The following FLRT2 variants were observed in gnomAD, a reference collection of about 807,000 sequenced individuals.
FLRT2 encodes the protein fibronectin leucine rich transmembrane protein 2, also known as leucine-rich repeat transmembrane protein FLRT2.
A neutral mutation model predicts 40.0 loss-of-function variants in FLRT2; 15 were observed. That is an observed-to-expected ratio of 0.38 (90% CI 0.25 to 0.58). The LOEUF is 0.58. FLRT2 is among the 20% of genes least tolerant of loss of function. FLRT2 has a pLI of 0.71. For missense variants in FLRT2, 726 were observed against 840.0 expected, an observed-to-expected ratio of 0.86 and a Z score of 1.68; for synonymous variants, 380 against 336.8, an observed-to-expected ratio of 1.13 and a Z score of -1.41.
At chr14:85,556,095 A>T (rs994519353) in intron 1 of FLRT2, among the ~76,000 whole-genome samples, 1 of 152,214 alleles carries the variant, frequency 6.6e-6, no homozygotes, top group Non-Finnish European at 1.5e-5. Context: ...TTAGGCTTGC[A>T]TAAAACTACA....
rs1032268637 is a variant in FLRT2, at chr14:85,635,209, A to G, written c.*11712A>G. The G allele has an allele frequency of 1.3e-5, 2 of 152,152 alleles. No individual in the cohort carries two copies. Among genetic ancestry groups the G allele is most frequent in the Non-Finnish European group, 2.9e-5 (2 of 68,006 alleles). The allele number at this position is 152,152 out of a possible 1,614,324, so 9.4% of individuals were successfully genotyped here. A position where few individuals can be genotyped will look rare whatever the true frequency, so the allele number is the denominator to read the frequency against. ...CTTTGTATCTGTGTGATATTATTTA[A>G]TGTCCCTAAGCCTCAGTTTCCTCAT... is the stretch of plus-strand genomic sequence containing the variant. On this transcript the variant is annotated 3_prime_UTR_variant, in exon 2 of 2. Transcript: ENST00000330753.
Position 85,584,530 on chromosome 14 carries a change from C to T in FLRT2, c.-376-36609C>T, listed in dbSNP as rs949681367. Among the ~76,000 whole-genome samples the T allele has an allele frequency of 2.4e-4, 37 of 152,260 alleles. No homozygotes were observed. The East Asian group carries it at 6.6e-3, about 27-fold the overall frequency. ...CCTTAGACATTCTGCAGTTCTTTCT[C>T]CTCTTGGTGTCTTTCAGGACATGAC... is the stretch of plus-strand genomic sequence containing the variant. On this transcript the variant is annotated intron_variant, in intron 1 of 1. Coordinates refer to ENST00000330753, the MANE Select transcript of FLRT2 (RefSeq NM_013231.6).
Position 85,646,657 on chromosome 14 carries a change from C to T in FLRT2, c.*23160C>T, listed in dbSNP as rs1295010777. Reference sequence around the variant, plus strand: ...TTTGAGATGGAGTCTTGCTCTACCACCCAGGCTGGAGTGCAGTGGCACAAT... The same window carrying T: ...TTTGAGATGGAGTCTTGCTCTACCATCCAGGCTGGAGTGCAGTGGCACAAT... On this transcript the variant is annotated 3_prime_UTR_variant, in exon 2 of 2. Transcript: ENST00000330753. The T allele has an allele frequency of 6.6e-6, 1 of 152,134 alleles. No homozygotes were observed. The highest frequency in any genetic ancestry group is 1.9e-4 in the East Asian group (1 of 5,190). The allele number at this position is 152,134 out of a possible 1,614,324, so 9.4% of individuals were successfully genotyped here. A position where few individuals can be genotyped will look rare whatever the true frequency, so the allele number is the denominator to read the frequency against.
At chr14:85,603,441 A>C (rs58580571) in intron 1 of FLRT2, among the ~76,000 whole-genome samples, 9,334 of 152,328 alleles carry the variant, frequency 0.061, 876 homozygotes, top group East Asian at 0.45. Flanking sequence ...GCTGTGTCTG[A>C]CTGCTCATTG....
intron 1 of FLRT2, among the ~76,000 whole-genome samples, chr14:85,548,035 C>T (rs1255417772): frequency 6.6e-6 from 1 of 152,208 alleles, no homozygotes; most frequent in Non-Finnish European, 1.5e-5. Flanking sequence ...CAAGTTTGCC[C>T]AAGCAGTTCC....
At chr14:85,607,571 G>A (rs552533755) in intron 1 of FLRT2, among the ~76,000 whole-genome samples, 102 of 152,266 alleles carry the variant, frequency 6.7e-4, no homozygotes, top group African/African-American at 2.5e-3. Context: ...AATGTTTTTG[G>A]GGAGGCCTGG....
chr14:85,574,672 G>T (rs1891047204), intron 1 of FLRT2, among the ~76,000 whole-genome samples: 1 of 152,042 alleles, frequency 6.6e-6, no homozygotes, highest in Non-Finnish European at 1.5e-5. Context: ...AGAGTGTTAA[G>T]GAATTTAACC....
rs753496515 is a variant in FLRT2, at chr14:85,622,130, T to A, written c.616T>A (p.Leu206Met). 6.2e-7 allele frequency: 1 copy of A among 1,614,112 alleles called. No homozygotes were observed. The highest frequency in any genetic ancestry group is 1.7e-5 in the Admixed American group (1 of 60,022). The change falls in exon 2 of 2, where the codon TTG becomes ATG. Residue 206 changes from leucine (L) to methionine (M), a missense_variant. By Grantham distance (15) the Leu-to-Met change is conservative. Around this residue, in one of 3 missense-constraint regions of FLRT2, gnomAD observed 611 missense variants for 690.0 expected, o/e 0.89. Coordinates refer to ENST00000330753, the MANE Select transcript of FLRT2 (RefSeq NM_013231.6). ...SDMAFQNLTS[L>M]ERLIVDGNLL... ...CATGGCCTTCCAGAATCTCACGAGC[T>A]TGGAGCGTCTTATTGTGGACGGGAA...
At chr14:85,534,006 C>T (rs973857159) in intron 1 of FLRT2, among the ~76,000 whole-genome samples, 3 of 152,226 alleles carry the variant, frequency 2.0e-5, no homozygotes, top group Non-Finnish European at 4.4e-5. Context: ...AACGCGCGCC[C>T]CCAACCCTCT....
In FLRT2 at chr14:85,639,421, A is replaced by T. The variant is rs530243762; in HGVS notation, c.*15924A>T. On this transcript the variant is annotated 3_prime_UTR_variant, in exon 2 of 2. Transcript: ENST00000330753. ...TACCGGGTTGGGCAAAAAGAGGATG[A>T]GTATTAAAGGTCATTAGGCATTCAA... 1.3e-5 allele frequency: 2 copies of T among 152,276 alleles called. No homozygotes were observed. The highest frequency in any genetic ancestry group is 4.8e-5 in the African/African-American group (2 of 41,550). 9.4% of individuals were successfully genotyped at this position (152,276 alleles called of 1,614,324 possible). A position where few individuals can be genotyped will look rare whatever the true frequency, so the allele number is the denominator to read the frequency against.
At position 85,637,083 on chromosome 14, in the gene FLRT2, T is replaced by C. The variant is rs1894027380; in HGVS notation, c.*13586T>C. On this transcript the variant is annotated 3_prime_UTR_variant, in exon 2 of 2. Transcript: ENST00000330753. ...CATTTTTAGGGAAAAACTAGCAACATGTTTTGTGGAGATAAATGTAAACAC... is the reference window on the plus strand; with the variant it reads ...CATTTTTAGGGAAAAACTAGCAACACGTTTTGTGGAGATAAATGTAAACAC... The C allele has an allele frequency of 6.6e-6, 1 of 152,084 alleles. No individual in the cohort carries two copies. Among genetic ancestry groups the C allele is most frequent in the South Asian group, 2.1e-4 (1 of 4,830 alleles). The allele number at this position is 152,084 out of a possible 1,614,324, so 9.4% of individuals were successfully genotyped here.
intron 1 of FLRT2, among the ~76,000 whole-genome samples, chr14:85,532,093 G>C (rs970422846): frequency 6.6e-6 from 1 of 152,278 alleles, no homozygotes; most frequent in Non-Finnish European, 1.5e-5. Flanking sequence ...TTGAACTGAG[G>C]ACGAGTAGTG....
At chr14:85,543,491 A>G (rs564645883) in intron 1 of FLRT2, among the ~76,000 whole-genome samples, 9 of 151,692 alleles carry the variant, frequency 5.9e-5, no homozygotes, top group Non-Finnish European at 8.8e-5. Context: ...CCCCTAAACC[A>G]TTGTACTGTT....
chr14:85,606,938 A>G (rs568140976), intron 1 of FLRT2, among the ~76,000 whole-genome samples: 1 of 149,448 alleles, frequency 6.7e-6, no homozygotes, highest in Admixed American at 6.6e-5. Flanking sequence ...GAGATTGCCT[A>G]GATTTTTTTT....
chr14:85,570,077 T>G (rs1955423), intron 1 of FLRT2, among the ~76,000 whole-genome samples: 1 of 152,000 alleles, frequency 6.6e-6, no homozygotes, highest in African/African-American at 2.4e-5. Flanking sequence ...TCTCCACCAT[T>G]CTGTTCTCCA....
chr14:85,600,138 T>C (rs1444585697), intron 1 of FLRT2, among the ~76,000 whole-genome samples: 1 of 152,178 alleles, frequency 6.6e-6, no homozygotes, highest in African/African-American at 2.4e-5. Context: ...ACCTCACTAA[T>C]GATTCATTTG....
At position 85,623,159 on chromosome 14, in the gene FLRT2, G is replaced by A. The variant is rs1218292821; in HGVS notation, c.1645G>A (p.Gly549Ser). The change falls in exon 2 of 2, where the codon GGC (glycine) becomes AGC (serine). Residue 549 changes from glycine to serine, a missense_variant. Physicochemically the swap from Gly to Ser is moderately conservative, Grantham distance 56. Transcript: ENST00000330753. Reference protein sequence around the residue: ...SPFLLAGLIGGAVIFVLVVLL... With the variant: ...SPFLLAGLIGSAVIFVLVVLL... ...CTTTCTGCTGGCGGGCTTGATCGGG[G>A]GCGCGGTGATATTTGTGCTGGTGGT... 1 of 1,583,574 alleles carries A rather than the reference G, an allele frequency of 6.3e-7. No individual in the cohort carries two copies. Among genetic ancestry groups the A allele is most frequent in the Non-Finnish European group, 8.6e-7 (1 of 1,164,524 alleles).
intron 1 of FLRT2, among the ~76,000 whole-genome samples, chr14:85,577,625 TGCCCA>T (rs1034451749): frequency 6.6e-6 from 1 of 152,072 alleles, no homozygotes; most frequent in Non-Finnish European, 1.5e-5. Context: ...CTCACCGTGT[TGCCCA>T]GGTCAGAGTA....
At chr14:85,596,188 G>T (rs1007156427) in intron 1 of FLRT2, among the ~76,000 whole-genome samples, 1 of 152,186 alleles carries the variant, frequency 6.6e-6, no homozygotes, top group Non-Finnish European at 1.5e-5. Flanking sequence ...GGAAACAGGC[G>T]CCCCTGAACC....
Sources: gnomAD v4.1 joint callset for allele counts (sites outside exome capture counted in the v4.1 genomes callset) on GRCh38, gnomAD v4.1.1 for gene constraint, gnomAD v4.1.1 regional missense constraint, MANE v1.5 for transcripts, NCBI Gene and HGNC (gene_info 2026-07-23, HGNC 2026-07-21) for gene names.